The following PPP1R37 variants were observed in gnomAD, a reference collection of about 807,000 sequenced individuals.
PPP1R37 encodes protein phosphatase 1 regulatory subunit 37.
PPP1R37 carries 21 observed loss-of-function variants against 61.0 expected under a neutral mutation model. That is an observed-to-expected ratio of 0.34 (90% CI 0.24 to 0.50). PPP1R37 has a LOEUF of 0.50. Among genes scored for constraint, PPP1R37 ranks in the 20% least tolerant of loss-of-function variants. The probability of loss-of-function intolerance (pLI) is 0.98; values close to 1 mark genes in which losing one functional copy is unlikely to be tolerated. For synonymous variants in PPP1R37, 443 were observed against 433.5 expected (o/e 1.02, Z -0.27); for missense variants, 910 against 952.7 (o/e 0.96, Z 0.59).
At position 45,142,414 on chromosome 19, in the gene PPP1R37, C is replaced by T; in HGVS notation, c.830C>T (p.Ser277Phe). ...QLGNLLKFNC[S>F]LQILDLRNNH... ...GGTAACCTGCTCAAGTTCAACTGCT[C>T]CCTGCAGATCCTGGACCTCCGGAAC... Residue 277 changes from serine to phenylalanine, a missense_variant, in exon 7 of 13, where the codon TCC (serine) becomes TTC (phenylalanine). This residue lies in a region of PPP1R37 where 280 missense variants were observed against 382.2 expected (regional missense o/e 0.73). Transcript: ENST00000221462. 1 of 1,536,150 alleles carries T rather than the reference C, an allele frequency of 6.5e-7. No homozygotes were observed. The highest frequency in any genetic ancestry group is 8.7e-7 in the Non-Finnish European group (1 of 1,146,914).
chr19:45,119,933 T>C (rs1968318598), intron 1 of PPP1R37, among the ~76,000 whole-genome samples: 2 of 151,994 alleles, frequency 1.3e-5, no homozygotes, highest in Non-Finnish European at 2.9e-5. Context: ...TTGTTCCTGG[T>C]TCCCGGCTGC....
intron 1 of PPP1R37, among the ~76,000 whole-genome samples, chr19:45,124,475 T>C (rs79000971): frequency 0.022 from 3,404 of 152,232 alleles, 149 homozygotes; most frequent in African/African-American, 0.077. Context: ...TTGACAAGGC[T>C]GAAGGGCGGC....
At chr19:45,138,357 G>A (rs1296147989) in intron 1 of PPP1R37, among the ~76,000 whole-genome samples, 157 bp from the exon 2 acceptor site, 4 of 152,162 alleles carry the variant, frequency 2.6e-5, no homozygotes, top group Admixed American at 6.5e-5. Flanking sequence ...AGTGGCCAGC[G>A]GGGGGCCTGA....
In PPP1R37 at chr19:45,147,247, TCA is replaced by T. The variant is rs1968716555; in HGVS notation, c.*689_*690del. ...GCTACTCCTGTCGGTGCAACTCTGT[TCA>T]CACCTTTTCTAATAAACTGGGGCTG... On this transcript the variant is annotated 3_prime_UTR_variant, in exon 13 of 13. Coordinates refer to ENST00000221462, the MANE Select transcript of PPP1R37 (RefSeq NM_019121.2). 1.3e-5 allele frequency: 2 copies of T among 152,094 alleles called. No homozygotes were observed. Among genetic ancestry groups the T allele is most frequent in the African/African-American group, 4.8e-5 (2 of 41,378 alleles). 9.4% of individuals were successfully genotyped at this position (152,094 alleles called of 1,614,324 possible).
At chr19:45,139,968 C>T (rs1187758003) in intron 2 of PPP1R37, among the ~76,000 whole-genome samples, 5 of 152,386 alleles carry the variant, frequency 3.3e-5, no homozygotes, top group East Asian at 1.9e-4. Flanking sequence ...CTCCCTCACT[C>T]GGTCCCGCTG....
At chr19:45,100,548 G>A (rs1030626709) in intron 1 of PPP1R37, among the ~76,000 whole-genome samples, 3 of 152,206 alleles carry the variant, frequency 2.0e-5, no homozygotes, top group Admixed American at 6.5e-5. Context: ...ATTTTCCTGA[G>A]GTCACACAGT....
intron 2 of PPP1R37, among the ~76,000 whole-genome samples, chr19:45,139,281 A>G (rs1329872932): frequency 3.9e-5 from 6 of 152,378 alleles, no homozygotes; most frequent in African/African-American, 1.4e-4. Flanking sequence ...TAAAAATACT[A>G]CAGATCTGAA....
chr19:45,104,107 C>T (rs544815535), intron 1 of PPP1R37, among the ~76,000 whole-genome samples: 6 of 152,184 alleles, frequency 3.9e-5, no homozygotes, highest in African/African-American at 1.2e-4. Context: ...CCAGCACACC[C>T]CTCGATAGTC....
chr19:45,147,128 C>T lies in PPP1R37; in HGVS notation c.*566C>T, dbSNP rs1048699. 13,813 of 153,508 alleles carry T rather than the reference C, an allele frequency of 0.09. 752 individuals carry two copies. The highest frequency in any genetic ancestry group is 0.13 in the South Asian group (638 of 4,910). The allele number at this position is 153,508 out of a possible 1,614,324, so 9.5% of individuals were successfully genotyped here. On this transcript the variant is annotated 3_prime_UTR_variant, in exon 13 of 13. Coordinates refer to ENST00000221462, the MANE Select transcript of PPP1R37 (RefSeq NM_019121.2). ...GAGCAGCCGGCACTCCGGGACCCTGCTGTCCAGGCCACTGGAGGCTGCGCC... is the reference window on the plus strand; with the variant it reads ...GAGCAGCCGGCACTCCGGGACCCTGTTGTCCAGGCCACTGGAGGCTGCGCC...
chr19:45,128,871 TC>T (rs1968442022), intron 1 of PPP1R37: 2 of 650,684 alleles, frequency 3.1e-6, no homozygotes, highest in Admixed American at 3.9e-5. Flanking sequence ...CCCTCACTGC[TC>T]CAGGACAGCA....
At chr19:45,109,780 C>T (rs1375946739) in intron 1 of PPP1R37, among the ~76,000 whole-genome samples, 1 of 152,216 alleles carries the variant, frequency 6.6e-6, no homozygotes, top group African/African-American at 2.4e-5. Flanking sequence ...TCCTGTATGT[C>T]ATGTGCTGTT....
intron 1 of PPP1R37, chr19:45,099,995 G>A (rs1358322568): frequency 6.6e-6 from 1 of 152,376 alleles, no homozygotes; most frequent in African/African-American, 2.4e-5. Context: ...GTTTCTGGGA[G>A]CGAGTACTGG....
chr19:45,141,238 T>G, intron 4 of PPP1R37, 84 bp from the exon 5 acceptor site: 1 of 1,432,712 alleles, frequency 7.0e-7, no homozygotes, highest in Non-Finnish European at 9.2e-7. Context: ...CCATCGTCTC[T>G]CGGTGGGGCC....
intron 1 of PPP1R37, among the ~76,000 whole-genome samples, chr19:45,114,854 C>T (rs1968244956): frequency 6.6e-6 from 1 of 151,984 alleles, no homozygotes; most frequent in Non-Finnish European, 1.5e-5. Flanking sequence ...TCACTAGTGT[C>T]CTCAGATGTG....
At chr19:45,143,778 T>G in intron 8 of PPP1R37, 145 bp downstream of exon 8, 1 of 540,552 alleles carries the variant, frequency 1.8e-6, no homozygotes, top group Non-Finnish European at 3.3e-6. Flanking sequence ...CCCCACCTGC[T>G]TCCTCATTCA....
At chr19:45,118,016 G>A (rs1166058737) in intron 1 of PPP1R37, among the ~76,000 whole-genome samples, 1 of 152,216 alleles carries the variant, frequency 6.6e-6, no homozygotes, top group Non-Finnish European at 1.5e-5. Flanking sequence ...TGTTCACTGG[G>A]AAGAAGAACT....
chr19:45,137,913 A>G (rs1252121949), intron 1 of PPP1R37, among the ~76,000 whole-genome samples: 1 of 151,890 alleles, frequency 6.6e-6, no homozygotes, highest in African/African-American at 2.4e-5. Flanking sequence ...CTGAGGCAGA[A>G]GGATTGCTGA....
intron 1 of PPP1R37, among the ~76,000 whole-genome samples, chr19:45,112,706 C>G (rs564801384): frequency 2.6e-5 from 4 of 152,318 alleles, no homozygotes; most frequent in African/African-American, 7.2e-5. Context: ...TTGTCACTGT[C>G]TAGGGATGGG....
intron 1 of PPP1R37, among the ~76,000 whole-genome samples, chr19:45,099,800 G>A (rs963513664): frequency 2.0e-5 from 3 of 152,218 alleles, no homozygotes; most frequent in African/African-American, 7.2e-5. Flanking sequence ...ACCCCATGGT[G>A]GGATTTACAG....
Sources: gnomAD v4.1 joint callset for allele counts (sites outside exome capture counted in the v4.1 genomes callset) on GRCh38, gnomAD v4.1.1 for gene constraint, gnomAD v4.1.1 regional missense constraint, MANE v1.5 for transcripts, NCBI Gene and HGNC (gene_info 2026-07-23, HGNC 2026-07-21) for gene names.